Variants in SLC12A9 observed in about 807,000 individuals in gnomAD.
The protein encoded by SLC12A9 is solute carrier family 12 member 9, also known as CCC-interacting protein 1.
A neutral mutation model predicts 66.0 loss-of-function variants in SLC12A9; 55 were observed. The observed-to-expected ratio is 0.83, with a 90% CI of 0.67 to 1.04. SLC12A9 has a LOEUF of 1.04. Ranked by LOEUF, SLC12A9 falls within the 50% of genes least tolerant of loss-of-function variation. SLC12A9 has a pLI of 0.00. For synonymous variants in SLC12A9, 577 were observed against 569.0 expected (o/e 1.01, Z -0.20); for missense variants, 1,061 against 1,241.9 (o/e 0.85, Z 2.19).
intron 1 of SLC12A9, among the ~76,000 whole-genome samples, chr7:100,840,521 C>T (rs1245279857): frequency 2.6e-5 from 4 of 151,864 alleles, no homozygotes; most frequent in South Asian, 2.1e-4. Context: ...CAACACACAG[C>T]GGTTGAGAAC....
At chr7:100,853,013 G>A (rs1273725064) in intron 1 of SLC12A9, among the ~76,000 whole-genome samples, 178 bp downstream of exon 1, 2 of 151,834 alleles carry the variant, frequency 1.3e-5, no homozygotes, top group Admixed American at 6.5e-5. Flanking sequence ...TTTCTGTTTC[G>A]CTAGGGTGTG....
In SLC12A9 at chr7:100,860,338, G is replaced by A. The variant is rs1814670798; in HGVS notation, c.1218+106G>A. The A allele has an allele frequency of 2.5e-6, 3 of 1,184,424 alleles. No homozygotes were observed. In the Admixed American group the frequency reaches 7.2e-5, roughly 28 times the overall value. The allele number at this position is 1,184,424 out of a possible 1,614,324, so 73.4% of individuals were successfully genotyped here. A position where few individuals can be genotyped will look rare whatever the true frequency, so the allele number is the denominator to read the frequency against. On this transcript the variant is annotated intron_variant, in intron 9 of 13. Transcript: ENST00000354161. ...GACAAATGTAAAGACAAATGCGTAT[G>A]CACTTGGGGTTGCACTGGCACTCTG...
At chr7:100,830,706 C>G (rs575854432) in intron 1 of SLC12A9, among the ~76,000 whole-genome samples, 2 of 151,970 alleles carry the variant, frequency 1.3e-5, no homozygotes, top group Non-Finnish European at 2.9e-5. Context: ...AAACATGGTT[C>G]CTGGCCTCAA....
At position 100,860,155 on chromosome 7, in the gene SLC12A9, A is replaced by T; in HGVS notation, c.1141A>T (p.Ile381Phe). Residue 381 changes from isoleucine to phenylalanine, a missense_variant, in exon 9 of 14, where the codon ATC becomes TTC. Ile to Phe is a conservative substitution (Grantham distance 21). Transcript: ENST00000354161. ...ALARDDLFGV[I>F]LAPAKVVSRG... ...TGTGGATTCTGTTTTTCTAGGCGTGATCTTGGCACCGGCCAAGGTTGTGTC... is the reference window on the plus strand; with the variant it reads ...TGTGGATTCTGTTTTTCTAGGCGTGTTCTTGGCACCGGCCAAGGTTGTGTC... 1 of 1,614,102 alleles carries T rather than the reference A, an allele frequency of 6.2e-7. No homozygotes were observed. Among genetic ancestry groups the T allele is most frequent in the African/African-American group, 1.3e-5 (1 of 75,006 alleles).
At chr7:100,859,592 T>G in intron 7 of SLC12A9, 1 of 420,832 alleles carries the variant, frequency 2.4e-6, no homozygotes, top group East Asian at 4.7e-5. Context: ...ATGCTTGTAG[T>G]CTTGGCTACT....
At chr7:100,835,355 T>TAAAA (rs57845433) in intron 1 of SLC12A9, among the ~76,000 whole-genome samples, 1 of 122,770 alleles carries the variant, frequency 8.1e-6, no homozygotes, top group African/African-American at 3.1e-5. Flanking sequence ...GCTCTGTCTT[T>TAAAA]AAAAAAAAAA....
At chr7:100,847,256 T>A (rs1813938848) in intron 1 of SLC12A9, among the ~76,000 whole-genome samples, 1 of 152,330 alleles carries the variant, frequency 6.6e-6, no homozygotes, top group East Asian at 1.9e-4. Context: ...CGCCTTGGCC[T>A]CCCCAAATGG....
At chr7:100,848,927 AG>A (rs1813991775), upstream of SLC12A9, among the ~76,000 whole-genome samples, 1 of 151,794 alleles carries the variant, frequency 6.6e-6, no homozygotes, top group African/African-American at 2.4e-5. Context: ...AAAGAAAGAA[AG>A]AAAGAAAGAG....
At chr7:100,859,185 G>A (rs912459550) in intron 7 of SLC12A9, 24 bp downstream of exon 7, 12 of 1,606,722 alleles carry the variant, frequency 7.5e-6, no homozygotes, top group Non-Finnish European at 8.5e-6. Flanking sequence ...GATGGGGGTG[G>A]AGTGTCGAAC....
chr7:100,842,618 A>G (rs901151919), intron 1 of SLC12A9, among the ~76,000 whole-genome samples: 59 of 152,298 alleles, frequency 3.9e-4, no homozygotes, highest in African/African-American at 1.3e-3. Flanking sequence ...ATCATACATT[A>G]ATTTTACTAG....
intron 1 of SLC12A9, among the ~76,000 whole-genome samples, chr7:100,828,507 G>A (rs1813473981): frequency 1.4e-5 from 2 of 140,380 alleles, no homozygotes; most frequent in South Asian, 4.5e-4. Context: ...AGCTGAGATC[G>A]CGCCACTGCA....
At chr7:100,856,665 C>T (rs1180038017) in intron 4 of SLC12A9, 5 of 569,548 alleles carry the variant, frequency 8.8e-6, no homozygotes, top group African/African-American at 5.6e-5. Context: ...GGCATGCCTC[C>T]CCACACCTGG....
At chr7:100,859,593 C>T (rs561543666) in intron 7 of SLC12A9, 9 of 420,666 alleles carry the variant, frequency 2.1e-5, no homozygotes, top group Non-Finnish European at 3.8e-5. Flanking sequence ...TGCTTGTAGT[C>T]TTGGCTACTT....
chr7:100,862,918 C>G (rs1584708122), intron 13 of SLC12A9, 91 bp downstream of exon 13: 1 of 1,504,134 alleles, frequency 6.6e-7, no homozygotes, highest in South Asian at 1.2e-5. Context: ...CCACAGATTG[C>G]AAACTGCAAA....
chr7:100,861,377 C>A lies in SLC12A9; in HGVS notation c.1344-15C>A. The A allele has an allele frequency of 1.2e-6, 2 of 1,612,756 alleles. No individual in the cohort carries two copies. The highest frequency in any genetic ancestry group is 1.7e-6 in the Non-Finnish European group (2 of 1,179,154). ...TGCCCTGAGTTTCTGTCCCTCCTCC[C>A]CTCCATGCCCGCAGCCCCACCTTCA... On this transcript the variant is annotated splice_polypyrimidine_tract_variant and intron_variant, in intron 10 of 13. Coordinates refer to ENST00000354161, the MANE Select transcript of SLC12A9 (RefSeq NM_020246.4). This position sits in a 1 kb window ranked among gnomAD's most constrained non-coding sequence, Gnocchi z 5.3.
chr7:100,866,648 G>A lies in SLC12A9; in HGVS notation c.*43G>A, dbSNP rs370507127. 1.6e-5 allele frequency: 23 copies of A among 1,466,284 alleles called. No homozygotes were observed. Among genetic ancestry groups the A allele is most frequent in the Admixed American group, 4.8e-5 (2 of 41,490 alleles). 90.8% of individuals were successfully genotyped at this position (1,466,284 alleles called of 1,614,324 possible). On this transcript the variant is annotated 3_prime_UTR_variant, in exon 14 of 14. Transcript: ENST00000354161. The surrounding 1 kb of genome is among the most constrained non-coding windows in gnomAD (Gnocchi z 7.3). Reference sequence around the variant, plus strand: ...CTAGGTAGAGAGGGCCCAGGCAGGCGGCCTATCCTGATCCTTGGAGGAGGA... The same window carrying A: ...CTAGGTAGAGAGGGCCCAGGCAGGCAGCCTATCCTGATCCTTGGAGGAGGA...
At chr7:100,862,939 A>ACTATAAG in intron 13 of SLC12A9, 112 bp downstream of exon 13, 1 of 1,286,062 alleles carries the variant, frequency 7.8e-7, no homozygotes, top group Non-Finnish European at 1.1e-6. Flanking sequence ...AGGACCTTAT[A>ACTATAAG]GTCGAGAGGA....
intron 9 of SLC12A9, 49 bp downstream of exon 9, chr7:100,860,281 A>G: frequency 6.3e-7 from 1 of 1,577,404 alleles, no homozygotes; most frequent in Non-Finnish European, 8.7e-7. Context: ...ACCAGCTGGC[A>G]GGATGGGGGT....
chr7:100,862,128 TG>T (rs1420075074), intron 12 of SLC12A9, among the ~76,000 whole-genome samples: 18 of 152,058 alleles, frequency 1.2e-4, no homozygotes, highest in Non-Finnish European at 2.2e-4. Context: ...GGCTAGTTTT[TG>T]TATTTTTAGT....
Sources: allele counts gnomAD v4.1 joint callset (sites outside exome capture counted in the v4.1 genomes callset), GRCh38; gene constraint gnomAD v4.1.1; non-coding constraint Gnocchi (gnomAD v3.1); transcripts MANE v1.5; gene names NCBI Gene and HGNC (gene_info 2026-07-23, HGNC 2026-07-21).